Variants in ECT2L observed in about 807,000 individuals in gnomAD.
ECT2L encodes the protein epithelial cell transforming 2 like.
ECT2L carries 126 observed loss-of-function variants against 122.8 expected under a neutral mutation model. The ratio of observed to expected loss-of-function variants is 1.03; its 90% CI spans 0.89 to 1.19. The LOEUF (loss-of-function observed/expected upper bound fraction) is 1.19, where lower values mean the gene tolerates loss of function less well. Among genes scored for constraint, ECT2L ranks in the 50% most tolerant of loss-of-function variants. ECT2L has a pLI of 0.00. For synonymous variants in ECT2L, 385 were observed against 381.8 expected (o/e 1.01, Z -0.10); for missense variants, 1,012 against 1,064.1 (o/e 0.95, Z 0.68).
chr6:138,834,935 A>ACACACTCT (rs5880405), intron 4 of ECT2L, among the ~76,000 whole-genome samples: 6,740 of 142,462 alleles, frequency 0.047, 190 homozygotes, highest in South Asian at 0.057. Context: ...ACACACACAC[A>ACACACTCT]CTCTCATTCT....
At chr6:138,846,087 TA>T (rs1467011807) in intron 7 of ECT2L, among the ~76,000 whole-genome samples, 2 of 152,066 alleles carry the variant, frequency 1.3e-5, no homozygotes, top group Admixed American at 6.6e-5. Context: ...TTTTTTTTTT[TA>T]TAAAAAGAAT....
At position 138,825,702 on chromosome 6, in the gene ECT2L, T is replaced by C. The variant is rs1489918581; in HGVS notation, c.179+11099T>C. ...ACACTTCTGTGCATTCGTATGACTA[T>C]ATATGGATCCGATTAGACCAATTAG... On this transcript the variant is annotated intron_variant, in intron 4 of 21. Coordinates refer to ENST00000541398, the MANE Select transcript of ECT2L (RefSeq NM_001077706.3). 2.0e-5 allele frequency among the ~76,000 whole-genome samples: 3 copies of C among 152,344 alleles called. No homozygotes were observed. The East Asian group carries it at 5.8e-4, about 29-fold the overall frequency.
rs373310872 is a variant in ECT2L at position 138,849,446 on chromosome 6, G to A, written c.1069+12G>A. The A allele has an allele frequency of 1.4e-4, 222 of 1,609,134 alleles. No homozygotes were observed. Among genetic ancestry groups the A allele is most frequent in the Non-Finnish European group, 1.8e-4 (213 of 1,177,782 alleles). ...CAATTTACTCCAAGGTAGGCCTGGGGATTGGCGGATGAACAACCATGGAAC... is the reference window on the plus strand; with the variant it reads ...CAATTTACTCCAAGGTAGGCCTGGGAATTGGCGGATGAACAACCATGGAAC... On this transcript the variant is annotated intron_variant, in intron 9 of 21. Transcript: ENST00000541398.
chr6:138,837,244 T>C (rs1410977990), intron 4 of ECT2L, among the ~76,000 whole-genome samples: 1 of 152,164 alleles, frequency 6.6e-6, no homozygotes, highest in African/African-American at 2.4e-5. Flanking sequence ...TTGTAGATCC[T>C]TTTTCCAAAA....
chr6:138,895,827 C>T lies in ECT2L; in HGVS notation c.2415-5121C>T, dbSNP rs964481288. ...GCCTCAAGTGATCCACCCATCCTGG[C>T]CATGTGTGAGCCACTGCACCTGGCC... On this transcript the variant is annotated intron_variant, in intron 20 of 21. Transcript: ENST00000541398. Among the ~76,000 whole-genome samples, 6 of 152,208 alleles carry T rather than the reference C, an allele frequency of 3.9e-5. No individual in the cohort carries two copies. The East Asian group carries it at 9.7e-4, about 25-fold the overall frequency.
intron 9 of ECT2L, among the ~76,000 whole-genome samples, chr6:138,851,918 T>C (rs1203140668): frequency 6.6e-6 from 1 of 152,226 alleles, no homozygotes; most frequent in Non-Finnish European, 1.5e-5. Context: ...AGATTTATTA[T>C]ATTCCTAGTT....
In ECT2L at chr6:138,885,573, T is replaced by C. The variant is rs1778791808; in HGVS notation, c.2096T>C (p.Met699Thr). The C allele has an allele frequency of 6.2e-7, 1 of 1,614,046 alleles. No individual in the cohort carries two copies. The highest frequency in any genetic ancestry group is 8.5e-7 in the Non-Finnish European group (1 of 1,180,030). ...KRHDKTIVTKMLSLPELLLYP... is the reference protein window; with the variant it reads ...KRHDKTIVTKTLSLPELLLYP... ...CATGATAAGACCATTGTTACCAAAA[T>C]GCTGAGGTACGTTCTGAGGGAGAGC... is the stretch of plus-strand genomic sequence containing the variant. The change falls in exon 17 of 22, where the codon ATG becomes ACG. Residue 699 changes from methionine to threonine, a missense_variant. Coordinates refer to ENST00000541398, the MANE Select transcript of ECT2L (RefSeq NM_001077706.3).
chr6:138,839,031 C>T (rs908255083), intron 5 of ECT2L, among the ~76,000 whole-genome samples: 3 of 152,202 alleles, frequency 2.0e-5, no homozygotes, highest in African/African-American at 7.2e-5. Context: ...CCGCCCGCCT[C>T]GGCCTCCCAA....
At chr6:138,873,896 G>C (rs866365123) in intron 13 of ECT2L, among the ~76,000 whole-genome samples, 1 of 149,694 alleles carries the variant, frequency 6.7e-6, no homozygotes, top group African/African-American at 2.5e-5. Context: ...GTGTGTGTGT[G>C]TGTGTGTGTG....
intron 13 of ECT2L, among the ~76,000 whole-genome samples, chr6:138,875,706 C>T (rs1778419407): frequency 6.6e-6 from 1 of 152,222 alleles, no homozygotes; most frequent in Non-Finnish European, 1.5e-5. Context: ...CTGTTTATGA[C>T]ACATTTTCAC....
chr6:138,893,992 TTC>T (rs1442351122), intron 20 of ECT2L, among the ~76,000 whole-genome samples: 5 of 152,208 alleles, frequency 3.3e-5, no homozygotes, highest in Non-Finnish European at 4.4e-5. Context: ...AAGCTGTTGA[TTC>T]TGAGTTCTTC....
intron 4 of ECT2L, among the ~76,000 whole-genome samples, chr6:138,816,750 G>C (rs1187922686): frequency 6.6e-6 from 1 of 152,200 alleles, no homozygotes; most frequent in Non-Finnish European, 1.5e-5. Flanking sequence ...CTCCCAAAGT[G>C]CTGGGATTAC....
intron 5 of ECT2L, among the ~76,000 whole-genome samples, chr6:138,839,169 A>G (rs1356561096): frequency 3.9e-5 from 6 of 152,166 alleles, no homozygotes; most frequent in Non-Finnish European, 7.3e-5. Flanking sequence ...CTGCTACACA[A>G]CCACAGCCTC....
intron 7 of ECT2L, among the ~76,000 whole-genome samples, chr6:138,846,290 T>C (rs1777216724): frequency 6.6e-6 from 1 of 152,098 alleles, no homozygotes. Context: ...CAATAAGAGA[T>C]AAGTAAGTTC....
In ECT2L at chr6:138,881,132, T is replaced by A. The variant is rs753566309; in HGVS notation, c.1841T>A (p.Ile614Asn). 2.5e-6 allele frequency: 4 copies of A among 1,614,178 alleles called. No individual in the cohort carries two copies. In the East Asian group the frequency reaches 8.9e-5, roughly 36 times the overall value. ...RAILSAANIQ[I>N]IFCDILQILS... is the part of the protein sequence containing the mutation. ...ATTCTGAGTGCTGCCAATATCCAGATCATTTTCTGTGACATTCTACAGATT... is the reference window on the plus strand; with the variant it reads ...ATTCTGAGTGCTGCCAATATCCAGAACATTTTCTGTGACATTCTACAGATT... Residue 614 changes from isoleucine to asparagine, a missense_variant, in exon 15 of 22, where the codon ATC becomes AAC. Ile to Asn is a moderately radical substitution (Grantham distance 149). Coordinates refer to ENST00000541398, the MANE Select transcript of ECT2L (RefSeq NM_001077706.3).
At chr6:138,829,408 A>G (rs1776573693) in intron 4 of ECT2L, among the ~76,000 whole-genome samples, 2 of 152,240 alleles carry the variant, frequency 1.3e-5, no homozygotes, top group Admixed American at 6.5e-5. Context: ...ATGCATCAAG[A>G]GTTCGGATCC....
intron 1 of ECT2L, among the ~76,000 whole-genome samples, chr6:138,806,510 G>GTTTTTT (rs1562449582): frequency 1.3e-4 from 4 of 30,886 alleles, no homozygotes; most frequent in African/African-American, 2.3e-4. Flanking sequence ...GAAAATTCAC[G>GTTTTTT]CTTTTTTTTT....
At position 138,879,170 on chromosome 6, in the gene ECT2L, G is replaced by T; in HGVS notation, c.1666-1787G>T. 3 of 265,326 alleles carry T rather than the reference G, an allele frequency of 1.1e-5. No homozygotes were observed. In the South Asian group the frequency reaches 1.2e-4, roughly 11 times the overall value. 16.4% of individuals were successfully genotyped at this position (265,326 alleles called of 1,614,324 possible). A position where few individuals can be genotyped will look rare whatever the true frequency, so the allele number is the denominator to read the frequency against. On this transcript the variant is annotated intron_variant, in intron 14 of 21. Coordinates refer to ENST00000541398, the MANE Select transcript of ECT2L (RefSeq NM_001077706.3). ...AAATTGGAATCTGATCCGCCTCATT[G>T]ACAAGCCTTGCTATTCACAATAGGC...
At chr6:138,876,675 A>T in intron 14 of ECT2L, 117 bp downstream of exon 14, 1 of 607,890 alleles carries the variant, frequency 1.6e-6, no homozygotes, top group Non-Finnish European at 2.7e-6. Context: ...GGGATTAAAA[A>T]AAAAAAACCT....
Sources: gnomAD v4.1 joint callset for allele counts (sites outside exome capture counted in the v4.1 genomes callset) on GRCh38, gnomAD v4.1.1 for gene constraint, MANE v1.5 for transcripts, NCBI Gene and HGNC (gene_info 2026-07-23, HGNC 2026-07-21) for gene names.